Variants in ROBO2 observed in about 807,000 individuals in gnomAD.
The protein encoded by ROBO2 is roundabout guidance receptor 2.
A neutral mutation model predicts 160.8 loss-of-function variants in ROBO2; 53 were observed. The ratio of observed to expected loss-of-function variants is 0.33; its 90% CI spans 0.26 to 0.41. The LOEUF (loss-of-function observed/expected upper bound fraction) is 0.41. Among genes scored for constraint, ROBO2 ranks in the 10% least tolerant of loss-of-function variants. ROBO2 has a pLI of 1.00. For missense variants in ROBO2, 1,577 were observed against 1,722.4 expected (o/e 0.92, Z 1.49); for synonymous variants, 664 against 611.7 (o/e 1.09, Z -1.26).
intron 6 of ROBO2, among the ~76,000 whole-genome samples, chr3:77,529,119 T>C (rs77619232): frequency 0.024 from 3,692 of 151,312 alleles, 65 homozygotes; most frequent in Non-Finnish European, 0.037. Flanking sequence ...TAAGAAAGCA[T>C]GTTATTACAT....
intron 2 of ROBO2, among the ~76,000 whole-genome samples, chr3:77,337,222 CT>C (rs1361710282): frequency 6.6e-6 from 1 of 152,110 alleles, no homozygotes; most frequent in Non-Finnish European, 1.5e-5. Flanking sequence ...CTTCAAATAT[CT>C]TTTTGTTCTT....
chr3:77,426,681 G>T (rs888915087), intron 2 of ROBO2, among the ~76,000 whole-genome samples: 1 of 19,780 alleles, frequency 5.1e-5, no homozygotes, highest in African/African-American at 4.6e-4. Context: ...ATTTGGTCAG[G>T]AAGGAAGGAA....
At chr3:77,493,408 T>G (rs753383361) in intron 5 of ROBO2, 26 bp downstream of exon 5, 3 of 1,612,454 alleles carry the variant, frequency 1.9e-6, no homozygotes, top group East Asian at 4.5e-5. Flanking sequence ...GGATGGAAGA[T>G]TGTTAGATAA....
chr3:76,513,577 G>A (rs74808346), intron 2 of ROBO2, among the ~76,000 whole-genome samples: 3,477 of 152,194 alleles, frequency 0.023, 56 homozygotes, highest in South Asian at 0.045. Context: ...GCTATTATGA[G>A]TATTTAAAAT....
rs569195858 is a variant in ROBO2, at chr3:76,964,883, T to C, written c.110-133131T>C. Among the ~76,000 whole-genome samples the C allele has an allele frequency of 1.1e-4, 16 of 152,344 alleles. No individual in the cohort carries two copies. The South Asian group carries it at 3.3e-3, about 32-fold the overall frequency. Reference sequence around the variant, plus strand: ...GTAATTCATAGTCTGAATAATAAACTAGAAATCAACTAGTTATTAGCTTGC... The same window carrying C: ...GTAATTCATAGTCTGAATAATAAACCAGAAATCAACTAGTTATTAGCTTGC... On this transcript the variant is annotated intron_variant, in intron 2 of 26. Transcript: ENST00000487694.
intron 2 of ROBO2, among the ~76,000 whole-genome samples, chr3:76,534,559 C>A (rs963829407): frequency 6.6e-6 from 1 of 152,042 alleles, no homozygotes; most frequent in Admixed American, 6.6e-5. Flanking sequence ...GGAAAATAAT[C>A]TTTGTCTCCT....
intron 2 of ROBO2, among the ~76,000 whole-genome samples, chr3:77,363,895 G>T (rs953700536): frequency 1.3e-5 from 2 of 152,090 alleles, no homozygotes; most frequent in African/African-American, 4.8e-5. Flanking sequence ...AAGGGGAGCA[G>T]AAGACAGGGG....
intron 2 of ROBO2, among the ~76,000 whole-genome samples, chr3:76,826,447 G>T (rs145986758): frequency 6.6e-6 from 1 of 151,956 alleles, no homozygotes. Flanking sequence ...TTATTATTAC[G>T]TCATAGCACT....
intron 2 of ROBO2, among the ~76,000 whole-genome samples, chr3:76,063,181 C>A (rs200081782): frequency 0.02 from 3,118 of 152,196 alleles, 42 homozygotes; most frequent in East Asian, 0.08. Context: ...CCGTATCTGG[C>A]AGCTATGCAA....
At chr3:77,426,609 T>TGG (rs1491112445) in intron 2 of ROBO2, among the ~76,000 whole-genome samples, 1 of 47,004 alleles carries the variant, frequency 2.1e-5, no homozygotes, top group African/African-American at 5.8e-5. Context: ...TGTGTGTGTC[T>TGG]GTGTGTGTGT....
chr3:76,603,349 AAAATATATAT>A (rs2087361738), intron 2 of ROBO2, among the ~76,000 whole-genome samples: 1 of 40,626 alleles, frequency 2.5e-5, no homozygotes, highest in African/African-American at 1.2e-4. Context: ...AAAAAAAAAA[AAAATATATAT>A]ATATATATAT....
intron 21 of ROBO2, among the ~76,000 whole-genome samples, chr3:77,611,126 G>A (rs1053617398): frequency 1.1e-4 from 17 of 151,896 alleles, no homozygotes; most frequent in East Asian, 5.8e-4. Context: ...GTGAAACCCC[G>A]TCTCTACTAA....
chr3:76,984,779 T>C (rs1439765817), intron 2 of ROBO2, among the ~76,000 whole-genome samples: 1 of 152,030 alleles, frequency 6.6e-6, no homozygotes, highest in Non-Finnish European at 1.5e-5. Context: ...AGAATTAGAA[T>C]AGTAAAATGA....
exon 14 of ROBO2, chr3:77,574,606 T>C: frequency 6.2e-7 from 1 of 1,613,478 alleles, no homozygotes; most frequent in Non-Finnish European, 8.5e-7. Flanking sequence ...AAGTCCCGAC[T>C]GAACGAAGTG....
chr3:76,318,328 A>G (rs2072220531), intron 2 of ROBO2, among the ~76,000 whole-genome samples: 1 of 152,094 alleles, frequency 6.6e-6, no homozygotes, highest in Non-Finnish European at 1.5e-5. Flanking sequence ...ATAATGTCAG[A>G]TTATGCCAGG....
At chr3:77,213,145 G>GCTT (rs2084420618) in intron 2 of ROBO2, among the ~76,000 whole-genome samples, 1 of 152,176 alleles carries the variant, frequency 6.6e-6, no homozygotes, top group African/African-American at 2.4e-5. Flanking sequence ...AGTTTCAGAA[G>GCTT]GAATGGTACC....
At chr3:76,136,444 G>A (rs756840863) in intron 2 of ROBO2, among the ~76,000 whole-genome samples, 10 of 152,082 alleles carry the variant, frequency 6.6e-5, no homozygotes, top group Admixed American at 2.6e-4. Flanking sequence ...ATTGAAAAAC[G>A]GATAAACAAC....
At chr3:77,018,076 G>T (rs1388371233) in intron 2 of ROBO2, among the ~76,000 whole-genome samples, 3 of 151,840 alleles carry the variant, frequency 2.0e-5, no homozygotes, top group Non-Finnish European at 4.4e-5. Flanking sequence ...ACAAAGAAAA[G>T]TTGTTCTTTA....
chr3:76,192,277 C>A (rs1482067039), intron 2 of ROBO2, among the ~76,000 whole-genome samples: 1 of 151,768 alleles, frequency 6.6e-6, no homozygotes, highest in Non-Finnish European at 1.5e-5. Flanking sequence ...AGTAACCTGA[C>A]CTTCGATTGG....
Sources: allele counts gnomAD v4.1 joint callset (sites outside exome capture counted in the v4.1 genomes callset), GRCh38; gene constraint gnomAD v4.1.1; transcripts MANE v1.5; gene names NCBI Gene and HGNC (gene_info 2026-07-23, HGNC 2026-07-21).